PRMT3: variants seen among roughly 807,000 people sequenced by gnomAD.
The protein encoded by PRMT3 is protein arginine N-methyltransferase 3.
In PRMT3, 62 loss-of-function variants were observed where a neutral mutation model predicts 71.9. The ratio of observed to expected loss-of-function variants is 0.86; its 90% CI spans 0.70 to 1.07. PRMT3 has a LOEUF of 1.07. Among genes scored for constraint, PRMT3 ranks in the 50% least tolerant of loss-of-function variants. The pLI is 0.00. For synonymous variants in PRMT3, 213 were observed against 220.4 expected (o/e 0.97, Z 0.30); for missense variants, 663 against 643.0 (o/e 1.03, Z -0.34).
rs1592326435 is a variant in PRMT3, at chr11:20,387,955, C to T, written c.29-64C>T. ...GCGGAGGAGAGCCCATCGTCACCTG[C>T]TCCTCGAGCCCCCGGGCCGCACCGG... On this transcript the variant is annotated intron_variant, in intron 1 of 15. Transcript: ENST00000331079. This position sits in a 1 kb window ranked among gnomAD's most constrained non-coding sequence, Gnocchi z 4.3. 4 of 1,608,120 alleles carry T rather than the reference C, an allele frequency of 2.5e-6. No homozygotes were observed. The highest frequency in any genetic ancestry group is 1.7e-4 in the Middle Eastern group (1 of 6,044).
In PRMT3 at chr11:20,387,809, C is replaced by T. The variant is rs1351529223; in HGVS notation, c.28+35C>T. The T allele has an allele frequency of 6.5e-7, 1 of 1,540,510 alleles. No individual in the cohort carries two copies. The highest frequency in any genetic ancestry group is 8.7e-7 in the Non-Finnish European group (1 of 1,145,834). ...CTGGCCCCTCAGCACCCGGCTCGTC[C>T]AGCCCCAGGCCGCGCCGCTGTGGGG... On this transcript the variant is annotated intron_variant, in intron 1 of 15. Coordinates refer to ENST00000331079, the MANE Select transcript of PRMT3 (RefSeq NM_005788.4). The surrounding 1 kb of genome is among the most constrained non-coding windows in gnomAD (Gnocchi z 4.3).
chr11:20,404,348 G>A (rs773421063), intron 8 of PRMT3, among the ~76,000 whole-genome samples: 55 of 148,902 alleles, frequency 3.7e-4, no homozygotes, highest in Middle Eastern at 6.9e-3. Context: ...ATTCTCCTGC[G>A]TCAGCCTCTG....
chr11:20,420,599 A>C (rs1246388452), intron 9 of PRMT3, among the ~76,000 whole-genome samples: 2 of 152,186 alleles, frequency 1.3e-5, no homozygotes, highest in Non-Finnish European at 2.9e-5. Flanking sequence ...CATTCCTTAC[A>C]AGAATCTAAT....
chr11:20,419,490 T>C (rs1849379553), intron 9 of PRMT3, among the ~76,000 whole-genome samples: 2 of 152,236 alleles, frequency 1.3e-5, no homozygotes, highest in Admixed American at 1.3e-4. Flanking sequence ...TGATCTGAAA[T>C]TCTCAGTTTT....
intron 15 of PRMT3, among the ~76,000 whole-genome samples, chr11:20,507,587 C>G (rs146638270): frequency 0.011 from 1,727 of 152,022 alleles, 35 homozygotes; most frequent in African/African-American, 0.039. Flanking sequence ...CTAGACCAGC[C>G]TGGCCAAAAT....
intron 15 of PRMT3, among the ~76,000 whole-genome samples, chr11:20,506,606 A>G (rs995030945): frequency 6.6e-6 from 1 of 152,210 alleles, no homozygotes; most frequent in African/African-American, 2.4e-5. Flanking sequence ...CCATCTTGAA[A>G]AGCATTCAGA....
At chr11:20,404,218 T>TTTGTTTTGTTTTG (rs1310020076) in intron 8 of PRMT3, among the ~76,000 whole-genome samples, 4 of 4,686 alleles carry the variant, frequency 8.5e-4, no homozygotes, top group African/African-American at 1.6e-3. Flanking sequence ...ATAGTTTTTT[T>TTTGTTTTGTTTTG]TTTTTTTTTT....
intron 13 of PRMT3, among the ~76,000 whole-genome samples, chr11:20,471,102 G>T (rs1052831747): frequency 6.6e-5 from 10 of 151,974 alleles, no homozygotes; most frequent in South Asian, 4.2e-4. Context: ...TTAGTTCTCG[G>T]TAGATTTTGA....
At chr11:20,494,111 CCAT>C in intron 14 of PRMT3, 53 bp from the exon 15 acceptor site, 2 of 1,505,666 alleles carry the variant, frequency 1.3e-6, no homozygotes, top group Non-Finnish European at 9.2e-7. Flanking sequence ...GATTAATGTA[CCAT>C]GATATTAAAA....
intron 15 of PRMT3, among the ~76,000 whole-genome samples, chr11:20,498,172 C>T (rs1288862364): frequency 6.6e-6 from 1 of 152,050 alleles, no homozygotes; most frequent in Non-Finnish European, 1.5e-5. Flanking sequence ...AACATATCCA[C>T]AGTAGCTTAT....
At chr11:20,434,720 T>C (rs927103361) in intron 10 of PRMT3, among the ~76,000 whole-genome samples, 10 of 152,206 alleles carry the variant, frequency 6.6e-5, no homozygotes, top group Admixed American at 1.3e-4. Flanking sequence ...CTGGGTCCGC[T>C]GTTCTGTTCC....
At chr11:20,389,168 C>T (rs756052096) in intron 2 of PRMT3, among the ~76,000 whole-genome samples, 4 of 152,140 alleles carry the variant, frequency 2.6e-5, no homozygotes, top group Non-Finnish European at 5.9e-5. Flanking sequence ...GCTGTGTATT[C>T]CTGTCTTTAA....
chr11:20,393,315 C>T (rs1442476097), intron 5 of PRMT3, among the ~76,000 whole-genome samples: 1 of 152,072 alleles, frequency 6.6e-6, no homozygotes, highest in South Asian at 2.1e-4. Flanking sequence ...GGCATGGTGG[C>T]GGGCTTCTGT....
intron 15 of PRMT3, among the ~76,000 whole-genome samples, chr11:20,507,548 G>A (rs528818158): frequency 1.1e-4 from 16 of 152,330 alleles, no homozygotes; most frequent in African/African-American, 3.8e-4. Context: ...GGCTGAGGTA[G>A]GTGAGCGCAT....
chr11:20,469,108 AAAATTG>A (rs1285046295), intron 13 of PRMT3, among the ~76,000 whole-genome samples: 2 of 152,314 alleles, frequency 1.3e-5, no homozygotes, highest in East Asian at 3.9e-4. Flanking sequence ...CAGTTTAGAT[AAAATTG>A]TCATTGCTTT....
At chr11:20,409,792 A>G (rs56197186) in intron 9 of PRMT3, among the ~76,000 whole-genome samples, 4,995 of 152,146 alleles carry the variant, frequency 0.033, 123 homozygotes, top group Non-Finnish European at 0.046. Context: ...CAACATGATC[A>G]TTTTGGGGGT....
chr11:20,412,295 T>G (rs1031225248), intron 9 of PRMT3, among the ~76,000 whole-genome samples: 3 of 152,154 alleles, frequency 2.0e-5, no homozygotes, highest in Non-Finnish European at 4.4e-5. Context: ...AGAGTCATGG[T>G]CATCAGAGCA....
At chr11:20,390,082 C>T (rs1053159832) in intron 3 of PRMT3, among the ~76,000 whole-genome samples, 3 of 150,666 alleles carry the variant, frequency 2.0e-5, no homozygotes, top group African/African-American at 7.3e-5. Context: ...ACCTGGGAGG[C>T]AGAGGTGGCA....
intron 9 of PRMT3, among the ~76,000 whole-genome samples, chr11:20,418,658 C>T (rs1050915612): frequency 2.0e-5 from 3 of 151,964 alleles, no homozygotes. Context: ...AGCTTGCCTT[C>T]AGTTTTCTTT....
Sources: allele counts gnomAD v4.1 joint callset (sites outside exome capture counted in the v4.1 genomes callset), GRCh38; gene constraint gnomAD v4.1.1; non-coding constraint Gnocchi (gnomAD v3.1); transcripts MANE v1.5; gene names NCBI Gene and HGNC (gene_info 2026-07-23, HGNC 2026-07-21).